CTNNA2: variants seen among roughly 807,000 people sequenced by gnomAD.
CTNNA2 encodes catenin alpha 2.
A neutral mutation model predicts 101.0 loss-of-function variants in CTNNA2; 42 were observed. That is an observed-to-expected ratio of 0.42 (90% CI 0.32 to 0.54). The LOEUF (loss-of-function observed/expected upper bound fraction) is 0.54, where lower values mean the gene tolerates loss of function less well. Among genes scored for constraint, CTNNA2 ranks in the 20% least tolerant of loss-of-function variants. The pLI is 0.14. For synonymous variants in CTNNA2, 450 were observed against 456.4 expected (o/e 0.99, Z 0.18); for missense variants, 871 against 1,223.1 (o/e 0.71, Z 4.29).
intron 3 of CTNNA2, among the ~76,000 whole-genome samples, chr2:79,780,342 T>C (rs1558923170): frequency 1.3e-5 from 2 of 152,198 alleles, no homozygotes; most frequent in Admixed American, 6.5e-5. Flanking sequence ...AATAAATCTC[T>C]TCAAATATTT....
At chr2:80,167,030 C>T (rs1172784911) in intron 7 of CTNNA2, among the ~76,000 whole-genome samples, 2 of 151,904 alleles carry the variant, frequency 1.3e-5, no homozygotes, top group African/African-American at 4.8e-5. Context: ...CTTCTTCTTG[C>T]ATTTCATTCT....
chr2:80,229,634 G>A (rs920141085), intron 7 of CTNNA2, among the ~76,000 whole-genome samples: 3 of 152,128 alleles, frequency 2.0e-5, no homozygotes, highest in African/African-American at 7.2e-5. Flanking sequence ...TTTTATGGAG[G>A]TCTCATTACA....
intron 4 of CTNNA2, among the ~76,000 whole-genome samples, chr2:79,469,771 A>G (rs1670978537): frequency 6.6e-6 from 1 of 152,242 alleles, no homozygotes; most frequent in South Asian, 2.1e-4. Flanking sequence ...AGAACCAAAG[A>G]CAAAAACCAC....
Position 79,874,489 on chromosome 2 carries a change from T to C in CTNNA2, c.852+147T>C. 3 of 1,000,622 alleles carry C rather than the reference T, an allele frequency of 3.0e-6. No homozygotes were observed. The East Asian group carries it at 7.7e-5, about 26-fold the overall frequency. 62.0% of individuals were successfully genotyped at this position (1,000,622 alleles called of 1,614,324 possible). A position where few individuals can be genotyped will look rare whatever the true frequency, so the allele number is the denominator to read the frequency against. On this transcript the variant is annotated intron_variant, in intron 6 of 18. Transcript: ENST00000402739. Reference sequence around the variant, plus strand: ...ATAGTAAGATAAACTACATAATGCATTTCTGTAATATATTGGCTAAGCCAT... The same window carrying C: ...ATAGTAAGATAAACTACATAATGCACTTCTGTAATATATTGGCTAAGCCAT...
At chr2:80,160,827 ATC>A (rs1165168057) in intron 7 of CTNNA2, among the ~76,000 whole-genome samples, 2 of 151,834 alleles carry the variant, frequency 1.3e-5, no homozygotes, top group African/African-American at 4.8e-5. Context: ...GAGAATAGAC[ATC>A]CTTGGTTTCC....
intron 9 of CTNNA2, among the ~76,000 whole-genome samples, chr2:80,533,864 A>T (rs577303124): frequency 6.6e-6 from 1 of 152,164 alleles, no homozygotes; most frequent in Non-Finnish European, 1.5e-5. Flanking sequence ...GGTTTAAGGT[A>T]AGACATGATA....
chr2:80,544,122 C>T (rs1691825642), intron 9 of CTNNA2, among the ~76,000 whole-genome samples: 1 of 152,016 alleles, frequency 6.6e-6, no homozygotes, highest in South Asian at 2.1e-4. Flanking sequence ...GAATTCAGTC[C>T]AGCTGTTTGG....
Position 80,220,311 on chromosome 2 carries a change from G to A in CTNNA2, c.1057-172900G>A, listed in dbSNP as rs74326623. On this transcript the variant is annotated intron_variant, in intron 7 of 18. Coordinates refer to ENST00000402739, the MANE Select transcript of CTNNA2 (RefSeq NM_001282597.3). ...TGAATATTTTTGACACACTCAGGAC[G>A]TCTGCCACATGGGCTCACAAATAAT... 8.1e-3 allele frequency among the ~76,000 whole-genome samples: 1,234 copies of A among 152,314 alleles called. 9 individuals carry two copies. The highest frequency in any genetic ancestry group is 0.027 in the African/African-American group (1,137 of 41,566).
chr2:80,303,883 A>C lies in CTNNA2; in HGVS notation c.1057-89328A>C. On this transcript the variant is annotated intron_variant, in intron 7 of 18. Transcript: ENST00000402739. The surrounding 1 kb of genome is among the most constrained non-coding windows in gnomAD (Gnocchi z 7.7). Reference sequence around the variant, plus strand: ...TGGAAGCGCTCGGTCAGAAATCTACATCATATTTTATTCCGAGGGAGGGGA... The same window carrying C: ...TGGAAGCGCTCGGTCAGAAATCTACCTCATATTTTATTCCGAGGGAGGGGA... The C allele has an allele frequency of 2.1e-6, 3 of 1,459,734 alleles. No individual in the cohort carries two copies. The highest frequency in any genetic ancestry group is 2.7e-6 in the Non-Finnish European group (3 of 1,103,728). 90.4% of individuals were successfully genotyped at this position (1,459,734 alleles called of 1,614,324 possible).
At chr2:79,979,466 C>G (rs977124687) in intron 7 of CTNNA2, among the ~76,000 whole-genome samples, 3 of 152,076 alleles carry the variant, frequency 2.0e-5, no homozygotes, top group Non-Finnish European at 4.4e-5. Flanking sequence ...CAGCACAGAA[C>G]CCAACATTCT....
intron 1 of CTNNA2, among the ~76,000 whole-genome samples, chr2:79,581,407 C>T (rs1002400504): frequency 2.0e-5 from 3 of 152,008 alleles, no homozygotes; most frequent in African/African-American, 4.8e-5. Flanking sequence ...TGCCTGTAAT[C>T]GCAGCTACTA....
chr2:80,467,535 C>T (rs546212198), intron 9 of CTNNA2, among the ~76,000 whole-genome samples: 4 of 152,262 alleles, frequency 2.6e-5, no homozygotes, highest in South Asian at 4.1e-4. Context: ...CTAGGGCACT[C>T]GTGAGATCCA....
At chr2:80,413,800 T>A (rs1662274104) in intron 8 of CTNNA2, among the ~76,000 whole-genome samples, 2 of 152,202 alleles carry the variant, frequency 1.3e-5, no homozygotes, top group African/African-American at 4.8e-5. Flanking sequence ...GGAGCAGCCA[T>A]ATTCATGGAA....
At chr2:80,386,601 A>G (rs1222498920) in intron 7 of CTNNA2, among the ~76,000 whole-genome samples, 1 of 152,162 alleles carries the variant, frequency 6.6e-6, no homozygotes, top group African/African-American at 2.4e-5. Context: ...TCTAAATTGT[A>G]GGTTTAAATG....
At chr2:79,464,949 T>C (rs1229443466) in intron 4 of CTNNA2, among the ~76,000 whole-genome samples, 1 of 152,222 alleles carries the variant, frequency 6.6e-6, no homozygotes, top group East Asian at 1.9e-4. Flanking sequence ...TTCACTCTGA[T>C]GGCAGTTTCT....
At chr2:80,027,975 A>AAAAAAAAAAAAAAAAAAAAAAAAAAAAT in intron 7 of CTNNA2, 1 of 142,046 alleles carries the variant, frequency 7.0e-6, no homozygotes, top group Non-Finnish European at 1.5e-5. Flanking sequence ...CCTGTCTCAA[A>AAAAAAAAAAAAAAAAAAAAAAAAAAAAT]AAAAAAAAAA....
chr2:79,505,110 CT>C (rs1671383682), exon 5 of CTNNA2: 1 of 152,430 alleles, frequency 6.6e-6, no homozygotes, highest in African/African-American at 2.4e-5. Flanking sequence ...ACAGTACCCC[CT>C]CTCCATTGTT....
Position 79,338,578 on chromosome 2 carries a change from ATCT to A in CTNNA2, c.-318+25845_-318+25847del, listed in dbSNP as rs70940029. On this transcript the variant is annotated intron_variant, in intron 3 of 21. Transcript: ENST00000466387. ...TTTCTTCTTCTTCTTCCTCCTCATCATCTTCTTCTTCTTCTTCTTCTTCTTCTT... is the reference window on the plus strand; with the variant it reads ...TTTCTTCTTCTTCTTCCTCCTCATCATCTTCTTCTTCTTCTTCTTCTTCTT... Among the ~76,000 whole-genome samples the A allele has an allele frequency of 8.2e-3, 961 of 117,722 alleles. 6 individuals carry two copies. Among genetic ancestry groups the A allele is most frequent in the Non-Finnish European group, 9.6e-3 (553 of 57,352 alleles). The allele number at this position is 117,722 out of a possible 152,430, so 77.2% of individuals were successfully genotyped here.
At chr2:80,455,556 G>A (rs983022613) in intron 9 of CTNNA2, among the ~76,000 whole-genome samples, 1 of 152,210 alleles carries the variant, frequency 6.6e-6, no homozygotes, top group Admixed American at 6.5e-5. Flanking sequence ...TGTGTTTCAT[G>A]CCTTCATCAC....
Sources: allele counts gnomAD v4.1 joint callset (sites outside exome capture counted in the v4.1 genomes callset), GRCh38; gene constraint gnomAD v4.1.1; non-coding constraint Gnocchi (gnomAD v3.1); transcripts MANE v1.5; gene names NCBI Gene and HGNC (gene_info 2026-07-23, HGNC 2026-07-21).